UTRN: variants seen among roughly 807,000 people sequenced by gnomAD.
UTRN encodes the protein dystrophin-related protein 1.
Under a neutral mutation model 463.9 loss-of-function variants are expected in UTRN, and 283 were observed. The ratio of observed to expected loss-of-function variants is 0.61; its 90% CI spans 0.55 to 0.67. The LOEUF is 0.67. Ranked by LOEUF, UTRN falls within the 30% of genes least tolerant of loss-of-function variation. The pLI, the probability that UTRN is intolerant of heterozygous loss-of-function variation, is 0.00. For synonymous variants in UTRN, 1,442 were observed against 1,431.5 expected (o/e 1.01, Z -0.17); for missense variants, 3,922 against 4,084.3 (o/e 0.96, Z 1.08).
intron 58 of UTRN, among the ~76,000 whole-genome samples, chr6:144,768,948 G>GTTTTTTTTTTTTTTTTT (rs35525101): frequency 4.0e-5 from 5 of 126,024 alleles, no homozygotes; most frequent in Admixed American, 8.6e-5. Context: ...TTTGTTTTTT[G>GTTTTTTTTTTTTTTTTT]TTTTGTTTTG....
At chr6:144,485,178 C>G (rs552779532) in intron 27 of UTRN, among the ~76,000 whole-genome samples, 4 of 152,222 alleles carry the variant, frequency 2.6e-5, no homozygotes. Context: ...CCTGCTTCAG[C>G]CTCCCAAAGT....
intron 64 of UTRN, among the ~76,000 whole-genome samples, chr6:144,800,240 G>C (rs997071497): frequency 9.9e-5 from 15 of 152,142 alleles, no homozygotes; most frequent in Non-Finnish European, 2.9e-5. Flanking sequence ...AATTAAAAAT[G>C]ACCTGAAGCA....
chr6:144,371,217 A>C (rs918379168), intron 2 of UTRN, among the ~76,000 whole-genome samples: 1 of 152,228 alleles, frequency 6.6e-6, no homozygotes, highest in Non-Finnish European at 1.5e-5. Context: ...TATTTTTAAT[A>C]AATACAAGAT....
chr6:144,383,674 C>T (rs1781139403), intron 2 of UTRN, among the ~76,000 whole-genome samples: 1 of 152,116 alleles, frequency 6.6e-6, no homozygotes, highest in Non-Finnish European at 1.5e-5. Flanking sequence ...TTTAACTGGC[C>T]ACCTTGCTAC....
At chr6:144,498,293 A>G (rs1261127453) in intron 33 of UTRN, among the ~76,000 whole-genome samples, 1 of 152,244 alleles carries the variant, frequency 6.6e-6, no homozygotes, top group Non-Finnish European at 1.5e-5. Context: ...TAAAGTAGAA[A>G]GAGGCTTTGT....
chr6:144,533,663 G>T (rs1223355749), intron 43 of UTRN, among the ~76,000 whole-genome samples: 1 of 151,652 alleles, frequency 6.6e-6, no homozygotes, highest in African/African-American at 2.4e-5. Context: ...AGTTATTTTG[G>T]TGTCAAATGT....
intron 2 of UTRN, among the ~76,000 whole-genome samples, chr6:144,307,024 C>T (rs1021229241): frequency 1.3e-5 from 2 of 151,162 alleles, no homozygotes; most frequent in Non-Finnish European, 2.9e-5. Context: ...AATATCACAT[C>T]ACTGCACTCC....
At chr6:144,542,632 T>C (rs953448862) in intron 45 of UTRN, among the ~76,000 whole-genome samples, 163 bp from the exon 46 acceptor site, 8 of 152,170 alleles carry the variant, frequency 5.3e-5, no homozygotes, top group Admixed American at 2.0e-4. Context: ...AGTTAGGGGC[T>C]CAAACAAGAT....
At chr6:144,730,026 G>A (rs946742827) in intron 53 of UTRN, among the ~76,000 whole-genome samples, 33 of 152,154 alleles carry the variant, frequency 2.2e-4, no homozygotes, top group African/African-American at 7.2e-4. Context: ...TCTTAGCAAA[G>A]GCTATTATAT....
At chr6:144,401,863 C>T (rs1243175716) in intron 2 of UTRN, among the ~76,000 whole-genome samples, 1 of 152,136 alleles carries the variant, frequency 6.6e-6, no homozygotes, top group East Asian at 1.9e-4. Flanking sequence ...GAGGGCCAAG[C>T]ACACCTGGGC....
intron 14 of UTRN, among the ~76,000 whole-genome samples, chr6:144,445,217 G>A (rs548654140): frequency 1.3e-5 from 2 of 152,006 alleles, no homozygotes; most frequent in African/African-American, 4.8e-5. Context: ...CAGGTGTGGC[G>A]GTGGGTGCCT....
chr6:144,319,049 A>G (rs1775463297), intron 2 of UTRN, among the ~76,000 whole-genome samples: 1 of 151,980 alleles, frequency 6.6e-6, no homozygotes, highest in Non-Finnish European at 1.5e-5. Context: ...AGCCTGGTTG[A>G]CAGAATGAGA....
chr6:144,533,570 C>T (rs994514756), intron 43 of UTRN, among the ~76,000 whole-genome samples: 8 of 152,060 alleles, frequency 5.3e-5, no homozygotes, highest in African/African-American at 1.9e-4. Flanking sequence ...CTCCAGGTTT[C>T]AGGTTTGAAG....
chr6:144,398,069 C>T (rs1277054344), intron 2 of UTRN: 1 of 242,084 alleles, frequency 4.1e-6, no homozygotes, highest in Non-Finnish European at 8.9e-6. Flanking sequence ...AATATGGCGT[C>T]CGTGCTCTGG....
intron 53 of UTRN, among the ~76,000 whole-genome samples, chr6:144,705,267 G>C (rs1352888566): frequency 6.6e-6 from 1 of 152,106 alleles, no homozygotes; most frequent in African/African-American, 2.4e-5. Flanking sequence ...TTATTTAAAG[G>C]CTGGCTCTGT....
rs1167850429 is a variant in UTRN, at chr6:144,618,832, A to G, written c.7479+41544A>G. On this transcript the variant is annotated intron_variant, in intron 51 of 74. Coordinates refer to ENST00000367545, the MANE Select transcript of UTRN (RefSeq NM_007124.3). ...ATCATTAAACACAACAATAACAGCC[A>G]AATAAAGTTAGAACACACCAAATAT... 2.0e-5 allele frequency among the ~76,000 whole-genome samples: 3 copies of G among 152,182 alleles called. No homozygotes were observed. The East Asian group carries it at 5.8e-4, about 29-fold the overall frequency.
At chr6:144,658,401 A>G (rs1022149535) in intron 51 of UTRN, among the ~76,000 whole-genome samples, 25 of 152,200 alleles carry the variant, frequency 1.6e-4, no homozygotes, top group Admixed American at 5.2e-4. Context: ...CCAACATTGT[A>G]TACTGTTCCC....
chr6:144,458,677 G>T, intron 19 of UTRN, 93 bp from the exon 20 acceptor site: 1 of 1,409,812 alleles, frequency 7.1e-7, no homozygotes, highest in Non-Finnish European at 9.4e-7. Context: ...GTGTGACATT[G>T]CCTCACTATT....
At chr6:144,702,839 G>A (rs1784724653) in intron 53 of UTRN, among the ~76,000 whole-genome samples, 1 of 152,140 alleles carries the variant, frequency 6.6e-6, no homozygotes, top group South Asian at 2.1e-4. Context: ...ATGGTAGATA[G>A]GAGATGAAGC....
Sources: gnomAD v4.1 joint callset for allele counts (sites outside exome capture counted in the v4.1 genomes callset) on GRCh38, gnomAD v4.1.1 for gene constraint, MANE v1.5 for transcripts, NCBI Gene and HGNC (gene_info 2026-07-23, HGNC 2026-07-21) for gene names.